The following PCDHGA7 variants were observed in gnomAD, a reference collection of about 807,000 sequenced individuals.
PCDHGA7 encodes protocadherin gamma subfamily A, 7.
In PCDHGA7, 44 loss-of-function variants were observed where a neutral mutation model predicts 58.3. That is an observed-to-expected ratio of 0.75 (90% CI 0.59 to 0.97). PCDHGA7 has a LOEUF of 0.97. Among genes scored for constraint, PCDHGA7 ranks in the 50% least tolerant of loss-of-function variants. The pLI is 0.00. For missense variants in PCDHGA7, 1,266 were observed against 1,188.7 expected, an observed-to-expected ratio of 1.06 and a Z score of -0.96; for synonymous variants, 516 against 504.2, an observed-to-expected ratio of 1.02 and a Z score of -0.31.
At chr5:141,413,498 T>G (rs1187570193) in intron 1 of PCDHGA7, 1 of 1,614,026 alleles carries the variant, frequency 6.2e-7, no homozygotes, top group Admixed American at 1.7e-5. Context: ...CGGTGCGTGG[T>G]GAGTTTTAAT....
At position 141,476,124 on chromosome 5, in the gene PCDHGA7, C is replaced by T. The variant is rs1187643558; in HGVS notation, c.2425-18683C>T. 4 of 1,603,236 alleles carry T rather than the reference C, an allele frequency of 2.5e-6. No homozygotes were observed. Among genetic ancestry groups the T allele is most frequent in the Non-Finnish European group, 3.4e-6 (4 of 1,176,388 alleles). ...GAACTGCTTTTGAGTGAGATGGTCCCAGAGGCCTGGAGGAGCGGACTGGTA... is the reference window on the plus strand; with the variant it reads ...GAACTGCTTTTGAGTGAGATGGTCCTAGAGGCCTGGAGGAGCGGACTGGTA... On this transcript the variant is annotated intron_variant, in intron 1 of 3. Transcript: ENST00000518325. This position sits in a 1 kb window ranked among gnomAD's most constrained non-coding sequence, Gnocchi z 7.6.
intron 1 of PCDHGA7, among the ~76,000 whole-genome samples, chr5:141,492,927 G>C (rs925569925): frequency 6.6e-6 from 1 of 152,180 alleles, no homozygotes; most frequent in Non-Finnish European, 1.5e-5. Context: ...AGCGATCTAG[G>C]GTCAGAGATT....
chr5:141,472,557 A>G (rs2099288029), intron 1 of PCDHGA7, among the ~76,000 whole-genome samples: 3 of 152,044 alleles, frequency 2.0e-5, no homozygotes, highest in Admixed American at 1.3e-4. Flanking sequence ...AAAAAATTAT[A>G]TTATAAATGC....
At chr5:141,392,899 G>A in intron 1 of PCDHGA7, 1 of 1,613,820 alleles carries the variant, frequency 6.2e-7, no homozygotes, top group Admixed American at 1.7e-5. Flanking sequence ...ATCGGGAGGG[G>A]ACAGATTCGC....
Position 141,491,279 on chromosome 5 carries a change from T to G in PCDHGA7, c.2425-3528T>G. 1 of 1,614,110 alleles carries G rather than the reference T, an allele frequency of 6.2e-7. No individual in the cohort carries two copies. The highest frequency in any genetic ancestry group is 2.2e-5 in the East Asian group (1 of 44,878). ...GAGGAAATGCCCAAATCCAGTGACT[T>G]CCTCATACACCCTCCTGAGCGTTCA... On this transcript the variant is annotated intron_variant, in intron 1 of 3. Transcript: ENST00000518325. The surrounding 1 kb of genome is among the most constrained non-coding windows in gnomAD (Gnocchi z 6.9).
chr5:141,415,740 G>GTTTTTTTTTTTTTTTT (rs57426385), intron 1 of PCDHGA7: 34 of 625,042 alleles, frequency 5.4e-5, no homozygotes, highest in African/African-American at 2.0e-4. Flanking sequence ...GTTTATTAAG[G>GTTTTTTTTTTTTTTTT]TTTTTTTTTT....
intron 1 of PCDHGA7, among the ~76,000 whole-genome samples, chr5:141,461,616 T>A (rs1399885412): frequency 6.6e-6 from 1 of 152,236 alleles, no homozygotes; most frequent in African/African-American, 2.4e-5. Context: ...CAAAGTATTT[T>A]CTAATACACC....
chr5:141,385,283 T>C lies in PCDHGA7; in HGVS notation c.2384T>C (p.Val795Ala). The C allele has an allele frequency of 6.2e-7, 1 of 1,613,444 alleles. No homozygotes were observed. The highest frequency in any genetic ancestry group is 8.5e-7 in the Non-Finnish European group (1 of 1,179,380). Residue 795 changes from valine (V) to alanine (A), a missense_variant, in exon 1 of 4, where the codon GTA becomes GCA. Val to Ala is a moderately conservative substitution (Grantham distance 64). Coordinates refer to ENST00000518325, the MANE Select transcript of PCDHGA7 (RefSeq NM_018920.4). ...CEKNDSLLTS[V>A]DFQECKENLP... ...AAAAATGATTCTTTGCTAACATCCG[T>C]AGATTTTCAGGAATGTAAAGAAAAC...
chr5:141,463,424 CT>C (rs2099058999), intron 1 of PCDHGA7, among the ~76,000 whole-genome samples: 1 of 148,698 alleles, frequency 6.7e-6, no homozygotes, highest in Non-Finnish European at 1.5e-5. Flanking sequence ...TTTGCGGATC[CT>C]CATTTCCTTC....
At chr5:141,454,953 G>A (rs1304192945) in intron 1 of PCDHGA7, among the ~76,000 whole-genome samples, 4 of 150,686 alleles carry the variant, frequency 2.7e-5, no homozygotes, top group Admixed American at 6.6e-5. Context: ...GACTACAGGC[G>A]CCGGCCACCA....
chr5:141,478,920 C>T lies in PCDHGA7; in HGVS notation c.2425-15887C>T, dbSNP rs559060283. On this transcript the variant is annotated intron_variant, in intron 1 of 3. Transcript: ENST00000518325. Reference sequence around the variant, plus strand: ...GGAATAAGCTGCTGGATACCTCTAACCAGTGGCAGCTTCTAGGAATACAAA... The same window carrying T: ...GGAATAAGCTGCTGGATACCTCTAATCAGTGGCAGCTTCTAGGAATACAAA... 608 of 728,392 alleles carry T rather than the reference C, an allele frequency of 8.3e-4. 2 individuals are homozygous for T. The highest frequency in any genetic ancestry group is 1.2e-3 in the South Asian group (55 of 44,196). 45.1% of individuals were successfully genotyped at this position (728,392 alleles called of 1,614,324 possible).
Position 141,477,388 on chromosome 5 carries a change from C to T in PCDHGA7, c.2425-17419C>T. The T allele has an allele frequency of 6.2e-7, 1 of 1,614,136 alleles. No homozygotes were observed. The highest frequency in any genetic ancestry group is 8.5e-7 in the Non-Finnish European group (1 of 1,180,014). On this transcript the variant is annotated intron_variant, in intron 1 of 3. Transcript: ENST00000518325. The surrounding 1 kb of genome is among the most constrained non-coding windows in gnomAD (Gnocchi z 4.9). Reference sequence around the variant, plus strand: ...ATCGGGAGACTGTGCCAGAATACAACCTCAGCATCACCGCCCGAGACGCCG... The same window carrying T: ...ATCGGGAGACTGTGCCAGAATACAATCTCAGCATCACCGCCCGAGACGCCG...
chr5:141,454,232 G>T (rs2098784520), intron 1 of PCDHGA7, among the ~76,000 whole-genome samples: 1 of 152,146 alleles, frequency 6.6e-6, no homozygotes, highest in African/African-American at 2.4e-5. Context: ...TAATTGTGAT[G>T]AAAAGGATGA....
chr5:141,391,887 T>C (rs970251505), intron 1 of PCDHGA7: 1 of 152,200 alleles, frequency 6.6e-6, no homozygotes, highest in Non-Finnish European at 1.5e-5. Context: ...GTGAAAGGGA[T>C]GGGATGGAGC....
At chr5:141,425,047 A>G (rs1590618154) in intron 1 of PCDHGA7, among the ~76,000 whole-genome samples, 1 of 152,198 alleles carries the variant, frequency 6.6e-6, no homozygotes, top group Non-Finnish European at 1.5e-5. Context: ...TAAACTGACT[A>G]TCTAGGGCTC....
intron 1 of PCDHGA7, chr5:141,413,712 T>A (rs1405825615): frequency 9.9e-6 from 16 of 1,613,454 alleles, no homozygotes; most frequent in Middle Eastern, 3.3e-4. Context: ...TCAGCCCCAA[T>A]AAGCACTTCT....
intron 1 of PCDHGA7, chr5:141,412,334 T>C (rs371361193): frequency 2.0e-5 from 3 of 152,262 alleles, no homozygotes; most frequent in Admixed American, 1.3e-4. Flanking sequence ...GCAACTGTAA[T>C]ATATGTTCAT....
rs117623972 is a variant in PCDHGA7 at position 141,503,322 on chromosome 5, C to T, written c.2484-2071C>T. On this transcript the variant is annotated intron_variant, in intron 2 of 3. Transcript: ENST00000518325. Reference sequence around the variant, plus strand: ...GCTCAAGAAAGAATTGTTGGAGGGGCGCGGTGGCTCACGCCTGTAATTCCA... The same window carrying T: ...GCTCAAGAAAGAATTGTTGGAGGGGTGCGGTGGCTCACGCCTGTAATTCCA... Among the ~76,000 whole-genome samples, 216 of 152,126 alleles carry T rather than the reference C, an allele frequency of 1.4e-3. 8 individuals carry two copies. In the East Asian group the frequency reaches 0.038, roughly 27 times the overall value.
intron 1 of PCDHGA7, chr5:141,398,682 A>G (rs767093587): frequency 1.4e-5 from 23 of 1,613,842 alleles, no homozygotes; most frequent in Non-Finnish European, 1.9e-5. Flanking sequence ...TTAAGGAGAA[A>G]CAGGATGGTA....
Sources: allele counts gnomAD v4.1 joint callset (sites outside exome capture counted in the v4.1 genomes callset), GRCh38; gene constraint gnomAD v4.1.1; non-coding constraint Gnocchi (gnomAD v3.1); transcripts MANE v1.5; gene names NCBI Gene and HGNC (gene_info 2026-07-23, HGNC 2026-07-21).